Variants in IL1RAPL1 observed in about 807,000 individuals in gnomAD.
IL1RAPL1 encodes interleukin-1 receptor accessory protein-like 1.
A neutral mutation model predicts 48.4 loss-of-function variants in IL1RAPL1; 3 were observed. That is an observed-to-expected ratio of 0.06 (90% CI 0.03 to 0.16). The LOEUF is 0.16. Ranked by LOEUF, IL1RAPL1 falls within the 10% of genes least tolerant of loss-of-function variation. IL1RAPL1 has a pLI of 1.00. For missense variants in IL1RAPL1, 349 were observed against 530.6 expected (o/e 0.66, Z 3.36); for synonymous variants, 185 against 187.7 (o/e 0.99, Z 0.12).
chrX:29,652,487 C>G (rs973011752), intron 5 of IL1RAPL1, among the ~76,000 whole-genome samples: 1 of 111,177 alleles, frequency 9.0e-6, no homozygotes, highest in African/African-American at 3.3e-5. Flanking sequence ...AAAGGAGGGG[C>G]ATTCTAAATG....
intron 2 of IL1RAPL1, among the ~76,000 whole-genome samples, chrX:28,863,336 A>T (rs1164225531): frequency 2.9e-5 from 3 of 104,074 alleles, no homozygotes; most frequent in Non-Finnish European, 6.0e-5. Flanking sequence ...CAATATGTTT[A>T]AAAAAAAAAA....
intron 6 of IL1RAPL1, among the ~76,000 whole-genome samples, chrX:29,752,227 G>A (rs1928498872): frequency 9.4e-6 from 1 of 106,409 alleles, no homozygotes; most frequent in African/African-American, 3.4e-5. Context: ...CCCGGGCGCA[G>A]GGGCTCACAC....
chrX:29,535,214 T>C (rs953225433), intron 5 of IL1RAPL1, among the ~76,000 whole-genome samples: 5 of 109,526 alleles, frequency 4.6e-5, no homozygotes, highest in Non-Finnish European at 9.5e-5. Flanking sequence ...CTATTATCTT[T>C]ACCAGTTGTC....
At chrX:29,540,701 A>G (rs1358945016) in intron 5 of IL1RAPL1, among the ~76,000 whole-genome samples, 1 of 111,838 alleles carries the variant, frequency 8.9e-6, no homozygotes, top group African/African-American at 3.3e-5. Context: ...TATTCAATAA[A>G]TGGTGCTGGG....
At chrX:28,858,661 G>C (rs1921865439) in intron 2 of IL1RAPL1, among the ~76,000 whole-genome samples, 1 of 112,412 alleles carries the variant, frequency 8.9e-6, no homozygotes, top group African/African-American at 3.2e-5. Flanking sequence ...CTACAATATA[G>C]AATACACATA....
chrX:29,667,823 A>G (rs1428842713), intron 5 of IL1RAPL1, among the ~76,000 whole-genome samples: 1 of 112,203 alleles, frequency 8.9e-6, no homozygotes, highest in Admixed American at 9.5e-5. Flanking sequence ...TAATAGAAAG[A>G]GTTTAGACTA....
intron 5 of IL1RAPL1, among the ~76,000 whole-genome samples, chrX:29,517,172 A>G (rs1280294182): frequency 9.0e-6 from 1 of 110,722 alleles, no homozygotes; most frequent in Non-Finnish European, 1.9e-5. Context: ...GAATTTTACT[A>G]GGGTTTATAG....
At chrX:29,051,832 G>A (rs781006866) in intron 2 of IL1RAPL1, among the ~76,000 whole-genome samples, 30 of 112,538 alleles carry the variant, frequency 2.7e-4, no homozygotes, top group African/African-American at 9.0e-4. Context: ...GTCATGTGAC[G>A]CTATGTCTGT....
Position 29,955,444 on chromosome X carries a change from CTTTAGATG to C in IL1RAPL1, c.1717_1724del (p.Leu573GlnfsTer2). On this transcript the variant is annotated frameshift_variant, in exon 11 of 11. Transcript: ENST00000378993. LOFTEE classifies it high-confidence loss of function. ...ATAGAACCCATTACACATGAGCAGGCTTTAGATGTCAGTGAGCAAGGGCCTTTTGGGGA... is the reference window on the plus strand; with the variant it reads ...ATAGAACCCATTACACATGAGCAGGCTCAGTGAGCAAGGGCCTTTTGGGGA... The C allele has an allele frequency of 8.3e-7, 1 of 1,211,238 alleles. No individual in the cohort carries two copies. The highest frequency in any genetic ancestry group is 1.1e-6 in the Non-Finnish European group (1 of 895,278).
At chrX:29,808,517 T>C (rs186328447) in intron 6 of IL1RAPL1, among the ~76,000 whole-genome samples, 1 of 111,690 alleles carries the variant, frequency 9.0e-6, no homozygotes, top group Non-Finnish European at 1.9e-5. Context: ...TTTTGTATTC[T>C]GAAATTGTTG....
chrX:28,820,255 G>A (rs935127537), intron 2 of IL1RAPL1, among the ~76,000 whole-genome samples: 7 of 108,679 alleles, frequency 6.4e-5, no homozygotes, highest in Admixed American at 2.0e-4. Context: ...TGTCCCTGAT[G>A]TAACAGTGAT....
intron 1 of IL1RAPL1, among the ~76,000 whole-genome samples, chrX:28,649,251 C>T (rs749614588): frequency 2.7e-5 from 3 of 111,906 alleles, no homozygotes; most frequent in East Asian, 5.6e-4. Context: ...GGGCCTGCGG[C>T]GGTATTTGGC....
At chrX:29,214,904 A>G (rs775723958) in intron 2 of IL1RAPL1, among the ~76,000 whole-genome samples, 10 of 112,337 alleles carry the variant, frequency 8.9e-5, no homozygotes, top group Non-Finnish European at 1.3e-4. Flanking sequence ...ATGGAGTACA[A>G]ACTTTTTTCT....
rs1217294875 is a variant in IL1RAPL1 at position 28,717,936 on chromosome X, C to CT, written c.-24-71382dup. 9.9e-5 allele frequency among the ~76,000 whole-genome samples: 11 copies of CT among 111,608 alleles called. No homozygotes were observed. In the East Asian group the frequency reaches 3.1e-3, roughly 31 times the overall value. ...ACAATGAGCTTCCTGAAAGGCTGAT[C>CT]TTCTCTGAAAATGTTAGTAACCTCA... is the stretch of plus-strand genomic sequence containing the variant. On this transcript the variant is annotated intron_variant, in intron 1 of 10. Transcript: ENST00000378993.
At chrX:29,766,697 T>TACATAATATATAA (rs1555918210) in intron 6 of IL1RAPL1, among the ~76,000 whole-genome samples, 1 of 87,997 alleles carries the variant, frequency 1.1e-5, no homozygotes, top group Non-Finnish European at 2.1e-5. Flanking sequence ...TATATATTAA[T>TACATAATATATAA]ATATAATATA....
At chrX:29,910,030 A>G (rs765820210) in intron 6 of IL1RAPL1, among the ~76,000 whole-genome samples, 5 of 112,062 alleles carry the variant, frequency 4.5e-5, no homozygotes, top group African/African-American at 6.5e-5. Flanking sequence ...GGTAGACTAG[A>G]TAAAGAAAAC....
In IL1RAPL1 at chrX:29,310,142, AAAAAAAC is replaced by A. The variant is rs1569282337; in HGVS notation, c.362+26932_362+26938del. Among the ~76,000 whole-genome samples, 17 of 99,588 alleles carry A rather than the reference AAAAAAAC, an allele frequency of 1.7e-4. 2 individuals carry two copies. Among genetic ancestry groups the A allele is most frequent in the African/African-American group, 5.8e-4 (15 of 25,927 alleles). The allele number at this position is 99,588 out of a possible 115,157, so 86.5% of individuals were successfully genotyped here. A position where few individuals can be genotyped will look rare whatever the true frequency, so the allele number is the denominator to read the frequency against. On this transcript the variant is annotated intron_variant, in intron 3 of 10. Coordinates refer to ENST00000378993, the MANE Select transcript of IL1RAPL1 (RefSeq NM_014271.4). ...AAAAAAAAAAAAAGAAAGGAAAAAA[AAAAAAAC>A]AAAAAAAGGGTAAGTCGGGAGCTTA...
intron 2 of IL1RAPL1, among the ~76,000 whole-genome samples, chrX:28,928,808 A>T: frequency 8.9e-6 from 1 of 112,177 alleles, no homozygotes; most frequent in East Asian, 2.8e-4. Flanking sequence ...TTTACTGATT[A>T]ATTATGTATC....
chrX:28,836,083 G>A (rs1921198967), intron 2 of IL1RAPL1, among the ~76,000 whole-genome samples: 1 of 110,223 alleles, frequency 9.1e-6, no homozygotes, highest in Non-Finnish European at 1.9e-5. Context: ...AAAATTATGT[G>A]GATGAACATA....
Sources: allele counts gnomAD v4.1 joint callset (sites outside exome capture counted in the v4.1 genomes callset), GRCh38; gene constraint gnomAD v4.1.1; transcripts MANE v1.5; gene names NCBI Gene and HGNC (gene_info 2026-07-23, HGNC 2026-07-21).